Variants in FGF13 observed in about 807,000 individuals in gnomAD.
FGF13 encodes fibroblast growth factor 13, also known as fibroblast growth factor homologous factor 2.
FGF13 carries 2 observed loss-of-function variants against 19.5 expected under a neutral mutation model. That is an observed-to-expected ratio of 0.10 (90% CI 0.04 to 0.32). The LOEUF (loss-of-function observed/expected upper bound fraction) is 0.32. Ranked by LOEUF, FGF13 falls within the 10% of genes least tolerant of loss-of-function variation. The probability of loss-of-function intolerance (pLI) is 1.00; values close to 1 mark genes in which losing one functional copy is unlikely to be tolerated. For synonymous variants in FGF13, 72 were observed against 76.9 expected, an observed-to-expected ratio of 0.94 and a Z score of 0.33; for missense variants, 113 against 192.7, an observed-to-expected ratio of 0.59 and a Z score of 2.45.
intron 3 of FGF13, among the ~76,000 whole-genome samples, chrX:138,694,352 T>C (rs1400895519): frequency 1.8e-5 from 2 of 111,791 alleles, no homozygotes; most frequent in African/African-American, 3.2e-5. Context: ...GCCCAGTGAC[T>C]AGAATGCGGA....
chrX:138,928,000 T>C (rs898534724), intron 1 of FGF13, among the ~76,000 whole-genome samples: 3 of 111,894 alleles, frequency 2.7e-5, no homozygotes, highest in South Asian at 3.7e-4. Flanking sequence ...AATTAGTAAA[T>C]ATTAAAATAT....
chrX:138,964,899 G>A (rs755622147), intron 1 of FGF13, among the ~76,000 whole-genome samples: 4 of 111,573 alleles, frequency 3.6e-5, no homozygotes, highest in Admixed American at 1.9e-4. Flanking sequence ...ACCAGGCCTC[G>A]CCTCCAACAC....
At chrX:139,104,387 T>C (rs769409531) in intron 1 of FGF13, among the ~76,000 whole-genome samples, 1 of 109,593 alleles carries the variant, frequency 9.1e-6, no homozygotes, top group South Asian at 4.0e-4. Flanking sequence ...TGAAACTTAA[T>C]AGCCAGTCTA....
In FGF13 at chrX:139,103,532, A is replaced by G. The variant is rs1237652621; in HGVS notation, c.-113+99884T>C. 2.7e-5 allele frequency among the ~76,000 whole-genome samples: 3 copies of G among 111,909 alleles called. No individual in the cohort carries two copies. In the East Asian group the frequency reaches 8.5e-4, roughly 32 times the overall value. On this transcript the variant is annotated intron_variant, in intron 1 of 2. Transcript: ENST00000421460. ...TAGGGCTGGTGGGGAGGGAAGTCAC[A>G]GTGAACAGGGATAGTGGCATGATAG...
At chrX:138,915,749 G>C (rs1326809727) in intron 1 of FGF13, among the ~76,000 whole-genome samples, 1 of 111,719 alleles carries the variant, frequency 9.0e-6, no homozygotes. Context: ...CTCATTTCTT[G>C]AGATATGAAC....
intron 3 of FGF13, among the ~76,000 whole-genome samples, chrX:138,693,936 C>A (rs916807006): frequency 9.0e-6 from 1 of 111,585 alleles, no homozygotes; most frequent in Non-Finnish European, 1.9e-5. Context: ...TTTTAAGCCT[C>A]TAAAAAGTAA....
chrX:139,102,896 G>A (rs114981389), intron 1 of FGF13, among the ~76,000 whole-genome samples: 2,295 of 112,540 alleles, frequency 0.02, 57 homozygotes, highest in African/African-American at 0.07. Context: ...ATTTCAAGGA[G>A]GAGAAACAGA....
At chrX:138,877,046 T>A (rs970588978) in intron 1 of FGF13, among the ~76,000 whole-genome samples, 2 of 111,833 alleles carry the variant, frequency 1.8e-5, no homozygotes, top group African/African-American at 6.5e-5. Flanking sequence ...TTCTCACTTA[T>A]AACTGGGAGT....
chrX:138,803,507 A>G (rs1306522792), intron 3 of FGF13, among the ~76,000 whole-genome samples: 1 of 111,387 alleles, frequency 9.0e-6, no homozygotes, highest in East Asian at 2.8e-4. Flanking sequence ...CTCACAATTT[A>G]TTTTCCTGGG....
chrX:138,967,362 A>C (rs1215587911), intron 1 of FGF13, among the ~76,000 whole-genome samples: 1 of 111,447 alleles, frequency 9.0e-6, no homozygotes, highest in Non-Finnish European at 1.9e-5. Context: ...CTTGGCTTAC[A>C]AAAAATCATT....
chrX:139,019,976 T>C (rs1014858956), intron 1 of FGF13, among the ~76,000 whole-genome samples: 1 of 110,201 alleles, frequency 9.1e-6, no homozygotes, highest in East Asian at 2.9e-4. Flanking sequence ...TAGTATCACA[T>C]TGAGCCCTGA....
At chrX:138,792,486 T>C (rs909468384) in intron 3 of FGF13, among the ~76,000 whole-genome samples, 3 of 111,789 alleles carry the variant, frequency 2.7e-5, no homozygotes, top group Non-Finnish European at 3.8e-5. Context: ...ATTTTGCAGG[T>C]GAGCATTCTG....
At chrX:139,010,965 G>A (rs916508491) in intron 1 of FGF13, among the ~76,000 whole-genome samples, 4 of 111,058 alleles carry the variant, frequency 3.6e-5, no homozygotes, top group Admixed American at 9.6e-5. Context: ...CAAAAGAAAC[G>A]GGAGATATTA....
chrX:138,818,400 C>G (rs1010690760), intron 3 of FGF13, among the ~76,000 whole-genome samples: 12 of 108,512 alleles, frequency 1.1e-4, no homozygotes, highest in Admixed American at 7.0e-4. Flanking sequence ...TATTTGAGCC[C>G]AAATCTATCT....
At chrX:139,109,573 T>C (rs1027801469) in intron 1 of FGF13, among the ~76,000 whole-genome samples, 2 of 111,543 alleles carry the variant, frequency 1.8e-5, no homozygotes, top group East Asian at 5.6e-4. Context: ...CGATTTGGCA[T>C]TTGAGCTCAG....
At chrX:139,154,845 A>G (rs1182867502) in intron 1 of FGF13, among the ~76,000 whole-genome samples, 1 of 112,044 alleles carries the variant, frequency 8.9e-6, no homozygotes, top group African/African-American at 3.2e-5. Context: ...TAGTAGTAAT[A>G]AAGGTTAATA....
At chrX:138,752,394 C>T (rs1259066661) in intron 3 of FGF13, among the ~76,000 whole-genome samples, 1 of 110,620 alleles carries the variant, frequency 9.0e-6, no homozygotes, top group Non-Finnish European at 1.9e-5. Context: ...CCACTGCACT[C>T]CAGCCTGTGC....
intron 1 of FGF13, among the ~76,000 whole-genome samples, chrX:139,035,670 T>C (rs915402896): frequency 9.0e-6 from 1 of 111,196 alleles, no homozygotes; most frequent in Admixed American, 9.6e-5. Flanking sequence ...GACAAGTCTG[T>C]GATGAAGAAT....
chrX:138,773,049 T>A (rs748787693), intron 3 of FGF13, among the ~76,000 whole-genome samples: 11 of 107,785 alleles, frequency 1.0e-4, no homozygotes, highest in South Asian at 7.8e-4. Flanking sequence ...AAAAAAAAAA[T>A]AAAAATATAT....
Sources: gnomAD v4.1 joint callset for allele counts (sites outside exome capture counted in the v4.1 genomes callset) on GRCh38, gnomAD v4.1.1 for gene constraint, MANE v1.5 for transcripts, NCBI Gene and HGNC (gene_info 2026-07-23, HGNC 2026-07-21) for gene names.